UBE2N: variants seen among roughly 807,000 people sequenced by gnomAD.
UBE2N encodes ubiquitin conjugating enzyme E2 N, also known as ubiquitin-conjugating enzyme E2 N.
For missense variants in UBE2N, 60 were observed against 192.1 expected, an observed-to-expected ratio of 0.31 and a Z score of 4.07; for synonymous variants, 70 against 69.2, an observed-to-expected ratio of 1.01 and a Z score of -0.06.
At chr12:93,415,276 C>T (rs949834055) in intron 1 of UBE2N, among the ~76,000 whole-genome samples, 1 of 151,990 alleles carries the variant, frequency 6.6e-6, no homozygotes, top group African/African-American at 2.4e-5. Context: ...TTAAAAACAA[C>T]AACAACAAAT....
chr12:93,438,837 A>T (rs577862503), intron 1 of UBE2N, among the ~76,000 whole-genome samples: 2 of 152,342 alleles, frequency 1.3e-5, no homozygotes, highest in South Asian at 4.1e-4. Context: ...TAAATGAGAT[A>T]GCAACTGGGT....
chr12:93,440,979 G>A (rs1879082754), intron 1 of UBE2N, among the ~76,000 whole-genome samples: 1 of 152,162 alleles, frequency 6.6e-6, no homozygotes, highest in South Asian at 2.1e-4. Flanking sequence ...TCTGAAGCCA[G>A]GAGTTTTGGA....
chr12:93,410,687 A>G, intron 3 of UBE2N, 47 bp downstream of exon 3: 1 of 1,607,950 alleles, frequency 6.2e-7, no homozygotes, highest in Non-Finnish European at 8.5e-7. Flanking sequence ...TGGTAATACA[A>G]ATTTGTAAAA....
rs964057364 is a variant in UBE2N at position 93,405,944 on chromosome 12, A to G, written c.*4095T>C. 2 of 152,156 alleles carry G rather than the reference A, an allele frequency of 1.3e-5. No individual in the cohort carries two copies. The highest frequency in any genetic ancestry group is 4.8e-5 in the African/African-American group (2 of 41,442). 9.4% of individuals were successfully genotyped at this position (152,156 alleles called of 1,614,324 possible). A position where few individuals can be genotyped will look rare whatever the true frequency, so the allele number is the denominator to read the frequency against. ...TCTTTTTTGGCCAGCTTTTCTAGAT[A>G]AGGTTGTATTGCTACTGCAACTAAC... is the stretch of plus-strand genomic sequence containing the variant. On this transcript the variant is annotated 3_prime_UTR_variant, in exon 4 of 4. Transcript: ENST00000318066.
Position 93,410,016 on chromosome 12 carries a change from G to A in UBE2N, c.*23C>T. On this transcript the variant is annotated 3_prime_UTR_variant, in exon 4 of 4. Transcript: ENST00000318066. ...GTCTTGGCAGAACAGGAGAAGTGAT[G>A]CACACTTGATGATCGTATCAATTTA... is the stretch of plus-strand genomic sequence containing the variant. 1 of 1,610,392 alleles carries A rather than the reference G, an allele frequency of 6.2e-7. No individual in the cohort carries two copies. Among genetic ancestry groups the A allele is most frequent in the Non-Finnish European group, 8.5e-7 (1 of 1,177,554 alleles).
At chr12:93,417,512 G>A (rs950695606) in intron 1 of UBE2N, among the ~76,000 whole-genome samples, 1 of 152,222 alleles carries the variant, frequency 6.6e-6, no homozygotes, top group African/African-American at 2.4e-5. Flanking sequence ...TAATTTGTGT[G>A]TGAGAAAAGT....
At chr12:93,420,164 G>A (rs1398743157) in intron 1 of UBE2N, among the ~76,000 whole-genome samples, 3 of 152,158 alleles carry the variant, frequency 2.0e-5, no homozygotes, top group African/African-American at 7.2e-5. Flanking sequence ...AAATCTCAGA[G>A]TACTTTAGAC....
At chr12:93,415,991 T>C (rs1462281740) in intron 1 of UBE2N, among the ~76,000 whole-genome samples, 1 of 152,230 alleles carries the variant, frequency 6.6e-6, no homozygotes, top group African/African-American at 2.4e-5. Context: ...AAGCACATCA[T>C]GTGACCTGAT....
chr12:93,439,331 A>T (rs1331961571), intron 1 of UBE2N, among the ~76,000 whole-genome samples: 1 of 152,156 alleles, frequency 6.6e-6, no homozygotes, highest in Non-Finnish European at 1.5e-5. Context: ...TACAAAAATT[A>T]GCTGGGTGTG....
At chr12:93,410,466 T>C in intron 3 of UBE2N, 1 of 558,244 alleles carries the variant, frequency 1.8e-6, no homozygotes, top group South Asian at 2.4e-5. Flanking sequence ...TCTTTACATA[T>C]AACTAGATAA....
chr12:93,422,964 A>C (rs1174320967), intron 1 of UBE2N, among the ~76,000 whole-genome samples: 4 of 152,360 alleles, frequency 2.6e-5, no homozygotes, highest in South Asian at 4.1e-4. Context: ...GTCACACAAA[A>C]GGACTGCCTG....
intron 1 of UBE2N, among the ~76,000 whole-genome samples, chr12:93,412,681 T>C (rs1878063940): frequency 6.6e-6 from 1 of 152,122 alleles, no homozygotes; most frequent in Non-Finnish European, 1.5e-5. Context: ...ACATTCTGTA[T>C]TTGTCCTGAC....
intron 1 of UBE2N, 96 bp downstream of exon 1, chr12:93,441,759 C>G: frequency 1.3e-6 from 2 of 1,511,796 alleles, no homozygotes; most frequent in South Asian, 1.2e-5. Context: ...CCTCCCAGAG[C>G]GGGCCGCGGG....
chr12:93,416,396 ATTTC>A (rs1878209006), intron 1 of UBE2N, among the ~76,000 whole-genome samples: 1 of 151,458 alleles, frequency 6.6e-6, no homozygotes, highest in African/African-American at 2.4e-5. Context: ...GTACAGTATG[ATTTC>A]TTTAAGTGAA....
At chr12:93,429,973 T>C (rs944618245) in intron 1 of UBE2N, among the ~76,000 whole-genome samples, 16 of 152,210 alleles carry the variant, frequency 1.1e-4, no homozygotes, top group African/African-American at 3.1e-4. Flanking sequence ...AAAAATTTTT[T>C]GGTGTAGCCT....
At chr12:93,411,017 TTAA>T (rs777984328) in intron 2 of UBE2N, 33 bp downstream of exon 2, 148 of 1,613,908 alleles carry the variant, frequency 9.2e-5, no homozygotes, top group Non-Finnish European at 1.2e-4. Flanking sequence ...AGGAGAAAGC[TTAA>T]TAATAGCATA....
intron 1 of UBE2N, among the ~76,000 whole-genome samples, chr12:93,441,589 G>A (rs1363897580): frequency 1.3e-5 from 2 of 152,040 alleles, no homozygotes; most frequent in Admixed American, 6.5e-5. Flanking sequence ...CTCCGCCGGG[G>A]CGTGGGACAG....
At position 93,409,996 on chromosome 12, in the gene UBE2N, G is replaced by C; in HGVS notation, c.*43C>G. ...ATGCAAACAAAGAGGAGGAAGTCTT[G>C]GCAGAACAGGAGAAGTGATGCACAC... On this transcript the variant is annotated 3_prime_UTR_variant, in exon 4 of 4. Transcript: ENST00000318066. 1 of 1,597,488 alleles carries C rather than the reference G, an allele frequency of 6.3e-7. No homozygotes were observed. Among genetic ancestry groups the C allele is most frequent in the African/African-American group, 1.3e-5 (1 of 74,614 alleles).
chr12:93,426,552 A>G (rs534044967), intron 1 of UBE2N, among the ~76,000 whole-genome samples: 26 of 149,284 alleles, frequency 1.7e-4, no homozygotes, highest in Admixed American at 1.5e-3. Context: ...AACAAGAGCT[A>G]AAAAAACCCT....
Sources: gnomAD v4.1 joint callset for allele counts (sites outside exome capture counted in the v4.1 genomes callset) on GRCh38, gnomAD v4.1.1 for gene constraint, MANE v1.5 for transcripts, NCBI Gene and HGNC (gene_info 2026-07-23, HGNC 2026-07-21) for gene names.